Variants in CABIN1 observed in about 807,000 individuals in gnomAD.
The protein encoded by CABIN1 is calcineurin-binding protein cabin-1.
In CABIN1, 133 loss-of-function variants were observed where a neutral mutation model predicts 227.7. The ratio of observed to expected loss-of-function variants is 0.58; its 90% CI spans 0.51 to 0.67. The LOEUF (loss-of-function observed/expected upper bound fraction) is 0.67. Among genes scored for constraint, CABIN1 ranks in the 30% least tolerant of loss-of-function variants. CABIN1 has a pLI of 0.00. For synonymous variants in CABIN1, 1,086 were observed against 1,155.1 expected (o/e 0.94, Z 1.21); for missense variants, 2,408 against 2,852.5 (o/e 0.84, Z 3.55).
chr22:24,113,589 G>T lies in CABIN1; in HGVS notation c.4141G>T (p.Val1381Leu). ...AGACCGAAGCCAGGACAGCACAGCCGTAGCACTCTCAGACTCTAGCTCAAC... is the reference window on the plus strand; with the variant it reads ...AGACCGAAGCCAGGACAGCACAGCCTTAGCACTCTCAGACTCTAGCTCAAC... ...PDDRSQDSTA[V>L]ALSDSSSTQD... Residue 1381 changes from valine (V) to leucine (L), a missense_variant, in exon 27 of 37, where the codon GTA becomes TTA. By Grantham distance (32) the Val-to-Leu change is conservative. This residue lies in a region of CABIN1 where 649 missense variants were observed against 910.3 expected (regional missense o/e 0.71). Transcript: ENST00000263119. The T allele has an allele frequency of 6.2e-7, 1 of 1,614,124 alleles. No individual in the cohort carries two copies. Among genetic ancestry groups the T allele is most frequent in the African/African-American group, 1.3e-5 (1 of 75,038 alleles).
chr22:24,015,194 A>T (rs983678222), intron 1 of CABIN1, among the ~76,000 whole-genome samples: 8 of 130,946 alleles, frequency 6.1e-5, no homozygotes, highest in Non-Finnish European at 9.3e-5. Flanking sequence ...TGAACCTGGG[A>T]GGCAGATGTT....
rs898437728 is a variant in CABIN1 at position 24,078,950 on chromosome 22, C to T, written c.2748+2666C>T. ...TACATGAGTTTTAAAATTTTACATA[C>T]TAAATATATAGTATGTAACCTCTTG... On this transcript the variant is annotated intron_variant, in intron 19 of 36. Transcript: ENST00000263119. Among the ~76,000 whole-genome samples, 26 of 136,966 alleles carry T rather than the reference C, an allele frequency of 1.9e-4. No individual in the cohort carries two copies. In the South Asian group the frequency reaches 3.2e-3, roughly 17 times the overall value. The allele number at this position is 136,966 out of a possible 152,430, so 89.9% of individuals were successfully genotyped here.
intron 17 of CABIN1, 71 bp from the exon 18 acceptor site, chr22:24,072,283 C>A: frequency 6.4e-7 from 1 of 1,572,400 alleles, no homozygotes; most frequent in Non-Finnish European, 8.7e-7. Context: ...AGGCCTCCTG[C>A]CTCCCTTCAG....
At chr22:24,159,227 G>C (rs1021242448) in intron 29 of CABIN1, among the ~76,000 whole-genome samples, 2 of 152,224 alleles carry the variant, frequency 1.3e-5, no homozygotes, top group African/African-American at 4.8e-5. Flanking sequence ...CTCCACCCTG[G>C]GGAGCCCAGA....
At chr22:24,060,219 C>A in intron 12 of CABIN1, 78 bp downstream of exon 12, 3 of 1,363,728 alleles carry the variant, frequency 2.2e-6, no homozygotes, top group Non-Finnish European at 2.1e-6. Context: ...GGGTGTGGGG[C>A]TGCTGTTGTG....
chr22:24,038,567 A>G, intron 4 of CABIN1, 106 bp downstream of exon 4: 1 of 791,626 alleles, frequency 1.3e-6, no homozygotes, highest in Admixed American at 1.9e-5. Flanking sequence ...TGGCTGGGGA[A>G]CCTTGAAAAC....
chr22:24,141,317 A>G (rs751142706), intron 29 of CABIN1, among the ~76,000 whole-genome samples: 14 of 152,054 alleles, frequency 9.2e-5, no homozygotes, highest in African/African-American at 2.7e-4. Context: ...ATGGTGGTCA[A>G]ACTTCCTGTT....
intron 19 of CABIN1, among the ~76,000 whole-genome samples, chr22:24,080,997 G>T (rs1410666361): frequency 6.6e-6 from 1 of 152,054 alleles, no homozygotes; most frequent in East Asian, 1.9e-4. Context: ...AATCTTTGAG[G>T]CTTTGTAGGT....
chr22:24,164,259 A>T (rs972709442), intron 29 of CABIN1, 141 bp from the exon 30 acceptor site: 1 of 982,278 alleles, frequency 1.0e-6, no homozygotes, highest in East Asian at 2.4e-5. Context: ...TCCTTGGGAC[A>T]GTGAGAGGGG....
intron 29 of CABIN1, among the ~76,000 whole-genome samples, chr22:24,145,287 G>A (rs1056218796): frequency 8.5e-5 from 13 of 152,156 alleles, no homozygotes; most frequent in Admixed American, 2.0e-4. Context: ...GCTGGGGCTG[G>A]GGCTGGGGCA....
intron 28 of CABIN1, among the ~76,000 whole-genome samples, chr22:24,134,057 G>A (rs2044239268): frequency 6.6e-6 from 1 of 152,214 alleles, no homozygotes; most frequent in Non-Finnish European, 1.5e-5. Context: ...TCCACCTTGA[G>A]GAGTCAAAGA....
chr22:24,169,488 G>C (rs2046660617), intron 33 of CABIN1, among the ~76,000 whole-genome samples: 1 of 152,212 alleles, frequency 6.6e-6, no homozygotes, highest in African/African-American at 2.4e-5. Flanking sequence ...CTTTGACCAA[G>C]CAGGCTGTGG....
At chr22:24,037,107 A>C (rs2036954310) in intron 3 of CABIN1, among the ~76,000 whole-genome samples, 1 of 152,000 alleles carries the variant, frequency 6.6e-6, no homozygotes, top group Non-Finnish European at 1.5e-5. Context: ...TCAAAGTATA[A>C]AAATTAGCTG....
chr22:24,038,534 C>A, intron 4 of CABIN1, 73 bp downstream of exon 4: 1 of 1,002,336 alleles, frequency 1.0e-6, no homozygotes, highest in Non-Finnish European at 1.6e-6. Flanking sequence ...TACTCTGGGC[C>A]TTACCTCTGC....
chr22:24,116,216 C>T (rs1325286493), intron 27 of CABIN1, among the ~76,000 whole-genome samples: 1 of 152,132 alleles, frequency 6.6e-6, no homozygotes, highest in Non-Finnish European at 1.5e-5. Context: ...ATATGAAGGT[C>T]GCAAGAGTAG....
At chr22:24,043,490 G>T (rs919819521) in intron 6 of CABIN1, among the ~76,000 whole-genome samples, 1 of 151,928 alleles carries the variant, frequency 6.6e-6, no homozygotes, top group Non-Finnish European at 1.5e-5. Context: ...GTTGGCTCAC[G>T]CCTGTAATCC....
At chr22:24,144,612 G>T (rs761751562) in intron 29 of CABIN1, among the ~76,000 whole-genome samples, 6 of 152,246 alleles carry the variant, frequency 3.9e-5, no homozygotes, top group Non-Finnish European at 7.3e-5. Flanking sequence ...GGCTGCACTG[G>T]CCCCAATTTG....
intron 4 of CABIN1, among the ~76,000 whole-genome samples, chr22:24,040,182 G>T (rs2037253256): frequency 6.6e-6 from 1 of 152,228 alleles, no homozygotes; most frequent in Admixed American, 6.5e-5. Flanking sequence ...CTGGGATCCA[G>T]CCCTGGTCAG....
chr22:24,126,956 G>A (rs1223133721), intron 28 of CABIN1, among the ~76,000 whole-genome samples: 2 of 149,318 alleles, frequency 1.3e-5, no homozygotes, highest in East Asian at 3.9e-4. Flanking sequence ...CCAAGGTCGT[G>A]CCACTGCCCT....
Sources: allele counts gnomAD v4.1 joint callset (sites outside exome capture counted in the v4.1 genomes callset), GRCh38; gene constraint gnomAD v4.1.1; regional missense constraint gnomAD v4.1.1; transcripts MANE v1.5; gene names NCBI Gene and HGNC (gene_info 2026-07-23, HGNC 2026-07-21).